Variants in CEP350 observed in about 807,000 individuals in gnomAD.
CEP350 encodes the protein centrosome-associated protein 350.
A neutral mutation model predicts 331.8 loss-of-function variants in CEP350; 126 were observed. The observed-to-expected ratio is 0.38, with a 90% CI of 0.33 to 0.44. CEP350 has a LOEUF of 0.44. CEP350 is among the 20% of genes least tolerant of loss of function. CEP350 has a pLI of 1.00. For synonymous variants in CEP350, 1,200 were observed against 1,259.5 expected, an observed-to-expected ratio of 0.95 and a Z score of 1.00; for missense variants, 3,406 against 3,634.6, an observed-to-expected ratio of 0.94 and a Z score of 1.62.
At position 180,092,895 on chromosome 1, in the gene CEP350, A is replaced by T. The variant is rs1357821801; in HGVS notation, c.6790A>T (p.Thr2264Ser). Residue 2264 changes from threonine (T) to serine (S), a missense_variant, in exon 34 of 38, where the codon ACA becomes TCA. Physicochemically the swap from Thr to Ser is moderately conservative, Grantham distance 58. Coordinates refer to ENST00000367607, the MANE Select transcript of CEP350 (RefSeq NM_014810.5). ...KKSEIKEIEY[T>S]KLKKSKIEDA... ...ATCAGAAATAAAAGAAATAGAGTAT[A>T]CAAAATTGAAGAAGAGTAAGATTGA... 1 of 1,570,794 alleles carries T rather than the reference A, an allele frequency of 6.4e-7. No individual in the cohort carries two copies. The highest frequency in any genetic ancestry group is 1.2e-5 in the South Asian group (1 of 85,698).
At chr1:180,098,815 C>G (rs748651553) in intron 36 of CEP350, 48 bp from the exon 37 acceptor site, 3 of 1,562,332 alleles carry the variant, frequency 1.9e-6, no homozygotes, top group Admixed American at 3.6e-5. Context: ...ACATGAAACT[C>G]AGGAATTTCT....
At position 180,114,288 on chromosome 1, in the gene CEP350, T is replaced by C. The variant is rs185084341; in HGVS notation, c.*3127T>C. On this transcript the variant is annotated 3_prime_UTR_variant, in exon 38 of 38. Coordinates refer to ENST00000367607, the MANE Select transcript of CEP350 (RefSeq NM_014810.5). ...CACAGCATTAGAGACTCATAACTTT[T>C]CTGCAAGAAATACAAACTTACATCT... 2 of 152,778 alleles carry C rather than the reference T, an allele frequency of 1.3e-5. No homozygotes were observed. The highest frequency in any genetic ancestry group is 3.9e-4 in the East Asian group (2 of 5,190). The allele number at this position is 152,778 out of a possible 1,614,324, so 9.5% of individuals were successfully genotyped here.
chr1:180,031,416 G>A lies in CEP350; in HGVS notation c.3647G>A (p.Ser1216Asn). 2.5e-6 allele frequency: 4 copies of A among 1,605,222 alleles called. No homozygotes were observed. The highest frequency in any genetic ancestry group is 1.7e-5 in the Admixed American group (1 of 59,278). Residue 1216 changes from serine (S) to asparagine (N), a missense_variant, in exon 15 of 38, where the codon AGC becomes AAC. Ser to Asn is a conservative substitution (Grantham distance 46). Around this residue, in one of 5 missense-constraint regions of CEP350, gnomAD observed 1,857 missense variants for 1,909.2 expected, o/e 0.97. Coordinates refer to ENST00000367607, the MANE Select transcript of CEP350 (RefSeq NM_014810.5). The stretch of plus-strand genomic sequence containing the variant: ...CAAGGAAAGAAATCTGGGACCAGCA[G>A]CAAACTTTCTGTTAAAGATTTTGAG... ...SHQGKKSGTS[S>N]KLSVKDFEQT...
At chr1:180,057,652 C>T (rs1187235946) in intron 25 of CEP350, among the ~76,000 whole-genome samples, 2 of 151,050 alleles carry the variant, frequency 1.3e-5, no homozygotes, top group Non-Finnish European at 2.9e-5. Context: ...GAGGATTTAT[C>T]CTTTCTTTTG....
Position 180,053,055 on chromosome 1 carries a change from A to G in CEP350, c.4878A>G (p.Ser1626=), listed in dbSNP as rs1364484448. ...AAATAGAAGAACAATCATTTCGATC[A>G]TTACTACCTTCAGAGAGTCACCGCA... The part of the protein sequence containing the change: ...EDEIEEQSFR[S]LLPSESHRRF... Residue 1626 remains serine, a synonymous_variant, in exon 23 of 38, where the codon TCA becomes TCG. Coordinates refer to ENST00000367607, the MANE Select transcript of CEP350 (RefSeq NM_014810.5). The G allele has an allele frequency of 3.2e-6, 5 of 1,554,822 alleles. No individual in the cohort carries two copies. Among genetic ancestry groups the G allele is most frequent in the Non-Finnish European group, 3.5e-6 (4 of 1,127,750 alleles).
chr1:180,014,623 A>G, intron 10 of CEP350, 118 bp downstream of exon 10: 1 of 907,284 alleles, frequency 1.1e-6, no homozygotes, highest in South Asian at 2.2e-5. Flanking sequence ...TATAATAATC[A>G]TGGCCTTCAT....
At chr1:179,959,260 C>T (rs1217481126) in intron 1 of CEP350, among the ~76,000 whole-genome samples, 6 of 152,158 alleles carry the variant, frequency 3.9e-5, no homozygotes, top group East Asian at 1.9e-4. Context: ...AGTTCGAGAC[C>T]GGCCTGGCCA....
At chr1:180,107,092 A>C (rs1661186943) in intron 37 of CEP350, among the ~76,000 whole-genome samples, 1 of 152,196 alleles carries the variant, frequency 6.6e-6, no homozygotes, top group Admixed American at 6.5e-5. Flanking sequence ...AATGAAGTAG[A>C]GCTAAAGACA....
At chr1:179,981,660 C>T (rs1398933893) in intron 1 of CEP350, among the ~76,000 whole-genome samples, 1 of 152,026 alleles carries the variant, frequency 6.6e-6, no homozygotes, top group Non-Finnish European at 1.5e-5. Flanking sequence ...AGATTATTGG[C>T]AAATTCAGGT....
chr1:180,077,254 T>A (rs1007315540), intron 28 of CEP350, among the ~76,000 whole-genome samples: 1 of 151,940 alleles, frequency 6.6e-6, no homozygotes, highest in Non-Finnish European at 1.5e-5. Context: ...ATATATTTTT[T>A]AAAAAAGATA....
At chr1:179,993,503 A>G (rs1474815878) in intron 5 of CEP350, among the ~76,000 whole-genome samples, 4 of 151,980 alleles carry the variant, frequency 2.6e-5, no homozygotes, top group Non-Finnish European at 5.9e-5. Flanking sequence ...GCTCACTGCA[A>G]CCTCCACCTT....
At chr1:179,965,333 A>G (rs769059863) in intron 1 of CEP350, among the ~76,000 whole-genome samples, 36 of 152,122 alleles carry the variant, frequency 2.4e-4, no homozygotes, top group Non-Finnish European at 4.7e-4. Flanking sequence ...TCCATCTTAG[A>G]GAATGTTCCA....
intron 5 of CEP350, among the ~76,000 whole-genome samples, chr1:179,994,270 A>G (rs1032523088): frequency 2.0e-5 from 3 of 152,090 alleles, no homozygotes; most frequent in Non-Finnish European, 4.4e-5. Flanking sequence ...TACGTAACCT[A>G]ACATTTTATG....
At chr1:180,014,527 A>G in intron 10 of CEP350, 22 bp downstream of exon 10, 1 of 1,558,808 alleles carries the variant, frequency 6.4e-7, no homozygotes, top group Non-Finnish European at 8.6e-7. Context: ...GACATATACA[A>G]AGGAGAGTCA....
At chr1:180,033,671 A>G (rs1656170416) in intron 15 of CEP350, among the ~76,000 whole-genome samples, 191 bp from the exon 16 acceptor site, 2 of 152,184 alleles carry the variant, frequency 1.3e-5, no homozygotes, top group Admixed American at 1.3e-4. Context: ...CACCACTGTA[A>G]TTCTAGCAAT....
chr1:179,995,224 CT>C (rs398089705), intron 5 of CEP350, among the ~76,000 whole-genome samples: 9 of 150,254 alleles, frequency 6.0e-5, no homozygotes, highest in African/African-American at 1.7e-4. Flanking sequence ...ATTTTCTTGA[CT>C]TTTTTTTTCA....
chr1:179,999,088 G>A (rs1352053102), intron 6 of CEP350, among the ~76,000 whole-genome samples: 2 of 152,026 alleles, frequency 1.3e-5, no homozygotes, highest in Non-Finnish European at 2.9e-5. Context: ...GTGATTACCC[G>A]AAATCTTTGC....
Position 180,107,785 on chromosome 1 carries a change from C to T in CEP350, c.9190-3212C>T, listed in dbSNP as rs189006580. Among the ~76,000 whole-genome samples the T allele has an allele frequency of 1.2e-3, 186 of 152,184 alleles. 2 individuals carry two copies. The highest frequency in any genetic ancestry group is 8.8e-5 in the Non-Finnish European group (6 of 68,016). On this transcript the variant is annotated intron_variant, in intron 37 of 37. Coordinates refer to ENST00000367607, the MANE Select transcript of CEP350 (RefSeq NM_014810.5). ...GGGCCACATTCTATTTACTACATTT[C>T]TCTATTCCACCAGCCTAATACCCTG... is the stretch of plus-strand genomic sequence containing the variant.
At chr1:180,099,108 C>T in intron 37 of CEP350, 123 bp downstream of exon 37, 1 of 956,026 alleles carries the variant, frequency 1.0e-6, no homozygotes, top group East Asian at 2.7e-5. Context: ...AATCTTAAAG[C>T]CTTTACTTGC....
Sources: allele counts gnomAD v4.1 joint callset (sites outside exome capture counted in the v4.1 genomes callset), GRCh38; gene constraint gnomAD v4.1.1; regional missense constraint gnomAD v4.1.1; transcripts MANE v1.5; gene names NCBI Gene and HGNC (gene_info 2026-07-23, HGNC 2026-07-21).